Variants in ZNRF2 observed in about 807,000 individuals in gnomAD.
ZNRF2 encodes zinc and ring finger 2, also known as E3 ubiquitin-protein ligase ZNRF2.
A neutral mutation model predicts 20.4 loss-of-function variants in ZNRF2; 16 were observed. That is an observed-to-expected ratio of 0.79 (90% CI 0.53 to 1.19). ZNRF2 has a LOEUF of 1.19. Ranked by LOEUF, ZNRF2 falls within the 50% of genes most tolerant of loss-of-function variation. The pLI, the probability that ZNRF2 is intolerant of heterozygous loss-of-function variation, is 0.00. For missense variants in ZNRF2, 363 were observed against 332.4 expected (o/e 1.09, Z -0.72); for synonymous variants, 178 against 144.9 (o/e 1.23, Z -1.64).
At chr7:30,337,124 T>G (rs1799729063) in intron 2 of ZNRF2, among the ~76,000 whole-genome samples, 1 of 152,186 alleles carries the variant, frequency 6.6e-6, no homozygotes, top group African/African-American at 2.4e-5. Context: ...CTTGCAGCAG[T>G]GTTTTCTGGT....
chr7:30,344,990 C>T (rs1159851582), intron 2 of ZNRF2, among the ~76,000 whole-genome samples: 1 of 152,100 alleles, frequency 6.6e-6, no homozygotes, highest in Non-Finnish European at 1.5e-5. Flanking sequence ...TTGACTTAGT[C>T]TTTTTGCCAG....
chr7:30,292,829 A>G (rs1798935987), intron 1 of ZNRF2, among the ~76,000 whole-genome samples: 1 of 152,192 alleles, frequency 6.6e-6, no homozygotes, highest in Non-Finnish European at 1.5e-5. Context: ...GTGGGGTGGC[A>G]TGAGGTTGGG....
At chr7:30,359,145 A>G (rs1247700822) in intron 3 of ZNRF2, among the ~76,000 whole-genome samples, 2 of 152,186 alleles carry the variant, frequency 1.3e-5, no homozygotes, top group Non-Finnish European at 1.5e-5. Flanking sequence ...CAGGTTGACT[A>G]AATACCTGCC....
intron 1 of ZNRF2, among the ~76,000 whole-genome samples, chr7:30,290,472 T>G (rs1798881206): frequency 6.6e-6 from 1 of 152,236 alleles, no homozygotes; most frequent in Non-Finnish European, 1.5e-5. Context: ...GCCCACAGAC[T>G]TCCTTGGGTT....
At chr7:30,348,144 G>A (rs896987293) in intron 2 of ZNRF2, among the ~76,000 whole-genome samples, 2 of 139,794 alleles carry the variant, frequency 1.4e-5, no homozygotes, top group East Asian at 2.1e-4. Context: ...CGCACTTCCT[G>A]TATAAAGAAG....
chr7:30,294,417 T>G (rs527473104), intron 1 of ZNRF2, among the ~76,000 whole-genome samples: 8 of 152,342 alleles, frequency 5.3e-5, no homozygotes, highest in Non-Finnish European at 8.8e-5. Context: ...ACTTGGAAGT[T>G]ATTTTAAAGT....
At chr7:30,357,415 G>A (rs1800058023) in intron 3 of ZNRF2, among the ~76,000 whole-genome samples, 1 of 152,070 alleles carries the variant, frequency 6.6e-6, no homozygotes, top group African/African-American at 2.4e-5. Flanking sequence ...TGGAATGAAG[G>A]AAATACTCAG....
chr7:30,294,709 T>G (rs1798979296), intron 1 of ZNRF2, among the ~76,000 whole-genome samples: 1 of 151,516 alleles, frequency 6.6e-6, no homozygotes, highest in Non-Finnish European at 1.5e-5. Flanking sequence ...TGCTTGAACC[T>G]GGGAGGTGAA....
intron 1 of ZNRF2, among the ~76,000 whole-genome samples, chr7:30,318,918 C>T (rs1159873268): frequency 6.6e-6 from 1 of 152,018 alleles, no homozygotes; most frequent in Non-Finnish European, 1.5e-5. Flanking sequence ...TCAAGACGAA[C>T]CTGGCCAACA....
chr7:30,301,112 G>A (rs1799106598), intron 1 of ZNRF2, among the ~76,000 whole-genome samples: 1 of 152,134 alleles, frequency 6.6e-6, no homozygotes, highest in African/African-American at 2.4e-5. Flanking sequence ...CAAGTGGCCT[G>A]GATTGAGAAA....
intron 1 of ZNRF2, among the ~76,000 whole-genome samples, chr7:30,315,684 A>G (rs1485300743): frequency 8.2e-6 from 1 of 122,464 alleles, no homozygotes; most frequent in Non-Finnish European, 1.6e-5. Context: ...CTGATCCCAT[A>G]ATTAAGTTTG....
intron 2 of ZNRF2, among the ~76,000 whole-genome samples, chr7:30,324,548 CAAAAAAAAAAA>C (rs915546843): frequency 4.1e-5 from 4 of 96,646 alleles, no homozygotes; most frequent in African/African-American, 1.6e-4. Context: ...GACTCTGTCT[CAAAAAAAAAAA>C]GAAAAAAAAA....
At chr7:30,319,098 C>T (rs1363760731) in intron 1 of ZNRF2, among the ~76,000 whole-genome samples, 6 of 148,586 alleles carry the variant, frequency 4.0e-5, no homozygotes, top group East Asian at 2.0e-4. Flanking sequence ...GGTGAAAGAG[C>T]GAAACTCCGT....
At chr7:30,348,985 C>T (rs1387559321) in intron 2 of ZNRF2, among the ~76,000 whole-genome samples, 2 of 152,050 alleles carry the variant, frequency 1.3e-5, no homozygotes, top group Non-Finnish European at 2.9e-5. Flanking sequence ...AAAATGATAT[C>T]GAATCCAGAT....
At chr7:30,358,857 G>T (rs1800079734) in intron 3 of ZNRF2, among the ~76,000 whole-genome samples, 1 of 152,070 alleles carries the variant, frequency 6.6e-6, no homozygotes, top group Non-Finnish European at 1.5e-5. Context: ...TGGTCAAGTT[G>T]TTTTTTTCTC....
intron 2 of ZNRF2, among the ~76,000 whole-genome samples, chr7:30,336,796 CATT>C (rs1410870701): frequency 4.6e-5 from 7 of 152,074 alleles, no homozygotes; most frequent in Non-Finnish European, 8.8e-5. Flanking sequence ...CCAAGTACAT[CATT>C]GAGTTCTGGA....
intron 2 of ZNRF2, among the ~76,000 whole-genome samples, chr7:30,340,956 G>T (rs986704472): frequency 5.9e-5 from 9 of 151,926 alleles, no homozygotes; most frequent in African/African-American, 1.9e-4. Flanking sequence ...GCTTCTTCCT[G>T]GTTTAGTTTT....
chr7:30,311,037 C>T (rs1280553484), intron 1 of ZNRF2, among the ~76,000 whole-genome samples: 1 of 152,142 alleles, frequency 6.6e-6, no homozygotes, highest in African/African-American at 2.4e-5. Context: ...TGTGGTTCTT[C>T]TGTCCAGCCT....
chr7:30,330,204 GCATGTGTA>G (rs1562614845), intron 2 of ZNRF2, among the ~76,000 whole-genome samples: 2 of 152,130 alleles, frequency 1.3e-5, no homozygotes, highest in Admixed American at 6.5e-5. Flanking sequence ...CTATGTTTGT[GCATGTGTA>G]CTTAGAAGAG....
Sources: allele counts gnomAD v4.1 joint callset (sites outside exome capture counted in the v4.1 genomes callset), GRCh38; gene constraint gnomAD v4.1.1; transcripts MANE v1.5; gene names NCBI Gene and HGNC (gene_info 2026-07-23, HGNC 2026-07-21).